The following ARMC8 variants were observed in gnomAD, a reference collection of about 807,000 sequenced individuals.
ARMC8 encodes armadillo repeat containing 8.
A neutral mutation model predicts 99.3 loss-of-function variants in ARMC8; 20 were observed. That is an observed-to-expected ratio of 0.20 (90% CI 0.14 to 0.29). ARMC8 has a LOEUF of 0.29. Ranked by LOEUF, ARMC8 falls within the 10% of genes least tolerant of loss-of-function variation. ARMC8 has a pLI of 1.00. For missense variants in ARMC8, 569 were observed against 809.5 expected (o/e 0.70, Z 3.60); for synonymous variants, 263 against 278.3 (o/e 0.95, Z 0.55).
intron 12 of ARMC8, chr3:138,262,592 G>GA: frequency 6.4e-7 from 1 of 1,574,382 alleles, no homozygotes; most frequent in Admixed American, 1.9e-5. Context: ...CTCACCTGAG[G>GA]AGATTAAAAA....
At chr3:138,232,492 A>G (rs1275474007) in intron 6 of ARMC8, among the ~76,000 whole-genome samples, 1 of 152,226 alleles carries the variant, frequency 6.6e-6, no homozygotes, top group Non-Finnish European at 1.5e-5. Flanking sequence ...AGAATATGCC[A>G]TAAATTATTC....
At chr3:138,254,604 T>C (rs768571988) in intron 12 of ARMC8, among the ~76,000 whole-genome samples, 1 of 152,244 alleles carries the variant, frequency 6.6e-6, no homozygotes, top group East Asian at 1.9e-4. Context: ...GGCTGTATTC[T>C]GCCATTAAGC....
chr3:138,249,229 C>T (rs955362961), intron 12 of ARMC8, among the ~76,000 whole-genome samples: 1 of 152,086 alleles, frequency 6.6e-6, no homozygotes, highest in Non-Finnish European at 1.5e-5. Flanking sequence ...ACCTCACTAG[C>T]AATTCTGTCT....
intron 12 of ARMC8, among the ~76,000 whole-genome samples, chr3:138,257,022 G>C (rs2047442633): frequency 6.6e-6 from 1 of 152,282 alleles, no homozygotes; most frequent in Non-Finnish European, 1.5e-5. Context: ...TAATCTTTCT[G>C]AACTTCAGAG....
chr3:138,255,191 GTTTTTTTTTTTTTTGT>G (rs2047321196), intron 12 of ARMC8, among the ~76,000 whole-genome samples: 1 of 125,896 alleles, frequency 7.9e-6, no homozygotes, highest in East Asian at 2.3e-4. Context: ...GTTCTGTTCT[GTTTTTTTTTTTTTTGT>G]TTTTTTTTTT....
At chr3:138,230,770 C>T (rs1171256398) in intron 6 of ARMC8, among the ~76,000 whole-genome samples, 2 of 152,204 alleles carry the variant, frequency 1.3e-5, no homozygotes, top group Non-Finnish European at 1.5e-5. Context: ...GGAATAACTA[C>T]ATGTTAAATT....
In ARMC8 at chr3:138,274,477, G is replaced by C; in HGVS notation, c.1658G>C (p.Gly553Ala). 6.2e-7 allele frequency: 1 copy of C among 1,611,748 alleles called. No homozygotes were observed. The highest frequency in any genetic ancestry group is 8.5e-7 in the Non-Finnish European group (1 of 1,178,086). Residue 553 changes from glycine (G) to alanine (A), a missense_variant, in exon 18 of 22, where the codon GGA becomes GCA. Around this residue, in one of 2 missense-constraint regions of ARMC8, gnomAD observed 227 missense variants for 417.9 expected, o/e 0.54. Coordinates refer to ENST00000469044, the MANE Select transcript of ARMC8 (RefSeq NM_001363941.2). ...ATAGATAAAATAATGAGTACTCATG[G>C]AAAGCAAATTATGCAAGCCGTCACT... ...PHIDKIMSTH[G>A]KQIMQAVTLI...
At chr3:138,283,536 G>GT (rs1412952829) in intron 18 of ARMC8, among the ~76,000 whole-genome samples, 6 of 151,360 alleles carry the variant, frequency 4.0e-5, no homozygotes, top group Non-Finnish European at 5.9e-5. Flanking sequence ...CAGGGAGTGT[G>GT]TTTTTTTTTC....
intron 14 of ARMC8, among the ~76,000 whole-genome samples, chr3:138,264,866 T>C (rs2048121244): frequency 6.6e-6 from 1 of 151,742 alleles, no homozygotes; most frequent in Admixed American, 6.6e-5. Flanking sequence ...AGAGATAATG[T>C]GTTGTTCTTA....
rs768936053 is a variant in ARMC8 at position 138,223,691 on chromosome 3, C to T, written c.393C>T (p.Thr131=). Residue 131 remains threonine (T), a synonymous_variant, in exon 5 of 22, where the codon ACC becomes ACT. Transcript: ENST00000469044. ...AAGCTTGCCTCCGATGCCTGCGTAC[C>T]ATCTTCACCAGTCCTGTCACTCCAG... ...FIEACLRCLR[T]IFTSPVTPEE... 6 of 1,614,214 alleles carry T rather than the reference C, an allele frequency of 3.7e-6. No homozygotes were observed. The highest frequency in any genetic ancestry group is 5.1e-6 in the Non-Finnish European group (6 of 1,180,038).
chr3:138,280,155 C>T (rs1438350250), intron 18 of ARMC8, among the ~76,000 whole-genome samples: 2 of 152,190 alleles, frequency 1.3e-5, no homozygotes, highest in African/African-American at 2.4e-5. Flanking sequence ...CTGCCCACCT[C>T]GGCCTCCCAA....
chr3:138,254,481 C>G (rs1383706619), intron 12 of ARMC8, among the ~76,000 whole-genome samples: 1 of 152,148 alleles, frequency 6.6e-6, no homozygotes, highest in Non-Finnish European at 1.5e-5. Context: ...CTGAATCGTT[C>G]ATGTGCCCAG....
chr3:138,208,180 TG>T (rs761723834), intron 1 of ARMC8, among the ~76,000 whole-genome samples: 5 of 151,918 alleles, frequency 3.3e-5, no homozygotes, highest in Non-Finnish European at 7.4e-5. Flanking sequence ...TACGAAAATA[TG>T]TGTTGGCTGG....
chr3:138,282,164 A>C (rs531603088), intron 18 of ARMC8, among the ~76,000 whole-genome samples: 51 of 152,316 alleles, frequency 3.3e-4, no homozygotes, highest in African/African-American at 1.0e-3. Flanking sequence ...TGAGGATTGG[A>C]TCACTACCAC....
intron 12 of ARMC8, chr3:138,263,413 T>G: frequency 3.8e-6 from 1 of 263,606 alleles, no homozygotes; most frequent in Non-Finnish European, 7.4e-6. Context: ...TGAGAGTTCA[T>G]TTATTTCTTT....
At chr3:138,188,300 AGG>A in intron 1 of ARMC8, 1 of 1,030,146 alleles carries the variant, frequency 9.7e-7, no homozygotes, top group Non-Finnish European at 1.3e-6. Flanking sequence ...CAAACATTGA[AGG>A]GGGGAAAAGG....
chr3:138,249,806 A>G (rs191583848), intron 12 of ARMC8, among the ~76,000 whole-genome samples: 1 of 152,316 alleles, frequency 6.6e-6, no homozygotes, highest in Admixed American at 6.5e-5. Context: ...AGCATTTATA[A>G]TAAAACCTCA....
At chr3:138,246,554 G>T in intron 12 of ARMC8, 1 of 985,566 alleles carries the variant, frequency 1.0e-6, no homozygotes, top group Non-Finnish European at 1.2e-6. Flanking sequence ...GTTTAGGATG[G>T]TTATTAGGGC....
intron 7 of ARMC8, among the ~76,000 whole-genome samples, chr3:138,235,435 A>G (rs1334502558): frequency 6.6e-6 from 1 of 152,222 alleles, no homozygotes; most frequent in Admixed American, 6.5e-5. Context: ...TCAAGAAGGA[A>G]CAGAATTTCA....
Sources: gnomAD v4.1 joint callset for allele counts (sites outside exome capture counted in the v4.1 genomes callset) on GRCh38, gnomAD v4.1.1 for gene constraint, gnomAD v4.1.1 regional missense constraint, MANE v1.5 for transcripts, NCBI Gene and HGNC (gene_info 2026-07-23, HGNC 2026-07-21) for gene names.